Variants in AFF3 observed in about 807,000 individuals in gnomAD.
AFF3 encodes ALF transcription elongation factor 3, also known as AF4/FMR2 family member 3.
In AFF3, 32 loss-of-function variants were observed where a neutral mutation model predicts 129.7. The ratio of observed to expected loss-of-function variants is 0.25; its 90% CI spans 0.19 to 0.33. The LOEUF is 0.33. AFF3 is among the 10% of genes least tolerant of loss of function. The probability of loss-of-function intolerance (pLI) is 1.00; values close to 1 mark genes in which losing one functional copy is unlikely to be tolerated. For missense variants in AFF3, 1,373 were observed against 1,592.0 expected (o/e 0.86, Z 2.34); for synonymous variants, 644 against 635.4 (o/e 1.01, Z -0.20).
chr2:99,866,671 C>A (rs1015149319), intron 7 of AFF3, among the ~76,000 whole-genome samples: 1 of 151,972 alleles, frequency 6.6e-6, no homozygotes. Flanking sequence ...GGCTTCAAGG[C>A]GGGATAAAAA....
At chr2:99,676,544 G>A (rs769128820) in intron 11 of AFF3, among the ~76,000 whole-genome samples, 6 of 152,158 alleles carry the variant, frequency 3.9e-5, no homozygotes, top group African/African-American at 9.7e-5. Context: ...GGGACCTTAC[G>A]CCAGGGAGCC....
In AFF3 at chr2:99,794,873, T is replaced by A. The variant is rs546873373; in HGVS notation, c.922-42572A>T. ...ACTGTTTTCCAATGTCTGAAAACAGTGATTTCATATATTTTGGGTAGTTTT... is the reference window on the plus strand; with the variant it reads ...ACTGTTTTCCAATGTCTGAAAACAGAGATTTCATATATTTTGGGTAGTTTT... On this transcript the variant is annotated intron_variant, in intron 8 of 24. Coordinates refer to ENST00000672756, the MANE Select transcript of AFF3 (RefSeq NM_001386135.1). Among the ~76,000 whole-genome samples the A allele has an allele frequency of 1.4e-4, 21 of 152,300 alleles. 2 individuals carry two copies. Among genetic ancestry groups the A allele is most frequent in the African/African-American group, 5.1e-4 (21 of 41,564 alleles).
At chr2:99,598,698 A>G (rs1239919215) in intron 14 of AFF3, among the ~76,000 whole-genome samples, 1 of 152,174 alleles carries the variant, frequency 6.6e-6, no homozygotes, top group Non-Finnish European at 1.5e-5. Context: ...GAGCAGCGGA[A>G]TGTGAGGTGC....
intron 7 of AFF3, among the ~76,000 whole-genome samples, chr2:99,871,285 G>C (rs1691849579): frequency 6.6e-6 from 1 of 152,224 alleles, no homozygotes; most frequent in Non-Finnish European, 1.5e-5. Context: ...AAGCATTTCG[G>C]GTAAGGGATA....
chr2:99,623,823 G>A (rs978991652), intron 13 of AFF3, among the ~76,000 whole-genome samples: 2 of 152,218 alleles, frequency 1.3e-5, no homozygotes, highest in South Asian at 4.1e-4. Context: ...TGTGTAGGGT[G>A]GAACAGGCAA....
At chr2:100,031,801 A>T (rs2104961888) in intron 4 of AFF3, among the ~76,000 whole-genome samples, 1 of 152,356 alleles carries the variant, frequency 6.6e-6, no homozygotes, top group South Asian at 2.1e-4. Flanking sequence ...ACAAATATCC[A>T]TGAGTCCACA....
At chr2:99,580,295 G>A (rs753368801) in intron 17 of AFF3, among the ~76,000 whole-genome samples, 1 of 152,080 alleles carries the variant, frequency 6.6e-6, no homozygotes, top group Non-Finnish European at 1.5e-5. Flanking sequence ...TTAAAATAAA[G>A]TTTTACTGTA....
intron 8 of AFF3, among the ~76,000 whole-genome samples, chr2:99,832,283 A>C (rs886741811): frequency 1.3e-5 from 2 of 152,228 alleles, no homozygotes; most frequent in Non-Finnish European, 2.9e-5. Flanking sequence ...ATCAAAATGA[A>C]ACAGGTAAGT....
chr2:99,946,658 G>A (rs1675604207), intron 7 of AFF3, among the ~76,000 whole-genome samples: 1 of 151,912 alleles, frequency 6.6e-6, no homozygotes. Context: ...AAATTAACTT[G>A]GGGTACCCTA....
intron 7 of AFF3, among the ~76,000 whole-genome samples, chr2:99,993,458 G>A (rs1212350653): frequency 2.0e-5 from 3 of 151,768 alleles, no homozygotes; most frequent in Admixed American, 2.0e-4. Context: ...GTAATCATTG[G>A]GGGGCATAAG....
At chr2:99,904,773 A>G (rs749621963) in intron 7 of AFF3, among the ~76,000 whole-genome samples, 4 of 152,116 alleles carry the variant, frequency 2.6e-5, no homozygotes, top group Non-Finnish European at 4.4e-5. Context: ...CCGAATGAGA[A>G]TGGCCCGTTC....
At chr2:99,957,146 CGT>C (rs10602915) in intron 7 of AFF3, among the ~76,000 whole-genome samples, 37,254 of 150,464 alleles carry the variant, frequency 0.25, 7,192 homozygotes, top group African/African-American at 0.54. Flanking sequence ...TGTGGACATA[CGT>C]GTGTGTGTGT....
At chr2:100,039,716 TCTAA>T (rs1685267432) in intron 4 of AFF3, among the ~76,000 whole-genome samples, 3 of 152,132 alleles carry the variant, frequency 2.0e-5, no homozygotes, top group Admixed American at 6.5e-5. Flanking sequence ...TCGCTCACTT[TCTAA>T]CTTTGTTTGA....
chr2:99,631,262 T>A (rs1683092593), intron 13 of AFF3, among the ~76,000 whole-genome samples: 2 of 152,250 alleles, frequency 1.3e-5, no homozygotes, highest in Non-Finnish European at 2.9e-5. Flanking sequence ...TTGTGTGAAC[T>A]GCCACCTGTC....
intron 7 of AFF3, among the ~76,000 whole-genome samples, chr2:99,974,805 C>A (rs933409260): frequency 2.6e-5 from 4 of 152,208 alleles, no homozygotes; most frequent in African/African-American, 7.2e-5. Context: ...TCCCTTCTCC[C>A]AGTGCACCCA....
At chr2:99,651,078 CAGG>C (rs2105628049) in intron 12 of AFF3, among the ~76,000 whole-genome samples, 1 of 149,674 alleles carries the variant, frequency 6.7e-6, no homozygotes, top group Admixed American at 6.8e-5. Flanking sequence ...GAGGCCAAGG[CAGG>C]AGAATTGCTT....
chr2:99,887,282 C>T (rs943400553), intron 7 of AFF3, among the ~76,000 whole-genome samples: 1 of 152,194 alleles, frequency 6.6e-6, no homozygotes, highest in African/African-American at 2.4e-5. Context: ...GGTAAACATA[C>T]TCTATTGTTT....
At chr2:99,760,003 C>T (rs1682447004) in intron 8 of AFF3, among the ~76,000 whole-genome samples, 1 of 152,084 alleles carries the variant, frequency 6.6e-6, no homozygotes, top group South Asian at 2.1e-4. Context: ...TATAACTATC[C>T]CATGGTTTAG....
intron 11 of AFF3, among the ~76,000 whole-genome samples, chr2:99,719,205 T>C (rs987289539): frequency 1.3e-5 from 2 of 151,916 alleles, no homozygotes; most frequent in Non-Finnish European, 2.9e-5. Context: ...TAGATGACCA[T>C]GTGGTTTTTC....
Sources: allele counts gnomAD v4.1 joint callset (sites outside exome capture counted in the v4.1 genomes callset), GRCh38; gene constraint gnomAD v4.1.1; transcripts MANE v1.5; gene names NCBI Gene and HGNC (gene_info 2026-07-23, HGNC 2026-07-21).